The following DSCAM variants were observed in gnomAD, a reference collection of about 807,000 sequenced individuals.
DSCAM encodes the protein DS cell adhesion molecule.
Under a neutral mutation model 217.7 loss-of-function variants are expected in DSCAM, and 47 were observed. The observed-to-expected ratio is 0.22, with a 90% CI of 0.17 to 0.28. DSCAM has a LOEUF of 0.28. DSCAM is among the 10% of genes least tolerant of loss of function. The pLI, the probability that DSCAM is intolerant of heterozygous loss-of-function variation, is 1.00. For synonymous variants in DSCAM, 1,056 were observed against 1,015.3 expected (o/e 1.04, Z -0.76); for missense variants, 2,080 against 2,618.3 (o/e 0.79, Z 4.49).
chr21:40,439,498 G>A (rs1601644926), intron 3 of DSCAM, among the ~76,000 whole-genome samples: 1 of 152,204 alleles, frequency 6.6e-6, no homozygotes, highest in East Asian at 1.9e-4. Context: ...ATTCAGCACT[G>A]AGTACTTAGG....
rs527551934 is a variant in DSCAM, at chr21:40,093,599, T to C, written c.3850+122A>G. 3.3e-6 allele frequency: 4 copies of C among 1,230,272 alleles called. No individual in the cohort carries two copies. In the African/African-American group the frequency reaches 6.1e-5, roughly 19 times the overall value. The allele number at this position is 1,230,272 out of a possible 1,614,324, so 76.2% of individuals were successfully genotyped here. A position where few individuals can be genotyped will look rare whatever the true frequency, so the allele number is the denominator to read the frequency against. ...TTAGCCACAACCCTGTTTCTTGAGC[T>C]AAAATGTGATATTCTGGTTTATTTG... On this transcript the variant is annotated intron_variant, in intron 21 of 32. Coordinates refer to ENST00000400454, the MANE Select transcript of DSCAM (RefSeq NM_001389.5).
chr21:40,379,231 G>T (rs1200833994), intron 3 of DSCAM, among the ~76,000 whole-genome samples: 2 of 152,170 alleles, frequency 1.3e-5, no homozygotes, highest in Non-Finnish European at 2.9e-5. Context: ...CCACTGTCAC[G>T]TATTTGAGTA....
At chr21:40,124,807 A>C (rs2090077224) in intron 19 of DSCAM, among the ~76,000 whole-genome samples, 1 of 152,096 alleles carries the variant, frequency 6.6e-6, no homozygotes, top group African/African-American at 2.4e-5. Flanking sequence ...TAAATTCCTA[A>C]TGTTGGAGTC....
chr21:40,391,702 G>C (rs191261593), intron 3 of DSCAM, among the ~76,000 whole-genome samples: 106 of 152,282 alleles, frequency 7.0e-4, no homozygotes, highest in Admixed American at 2.0e-3. Context: ...CATCAGGTAT[G>C]TTCACTCAAT....
chr21:40,354,918 T>C (rs2074675349), intron 4 of DSCAM, among the ~76,000 whole-genome samples: 2 of 151,672 alleles, frequency 1.3e-5, no homozygotes, highest in African/African-American at 2.4e-5. Flanking sequence ...GTAAAATTTA[T>C]TGCACAAAAG....
intron 3 of DSCAM, among the ~76,000 whole-genome samples, chr21:40,413,879 T>C (rs1023751525): frequency 3.3e-5 from 5 of 152,164 alleles, no homozygotes; most frequent in African/African-American, 1.2e-4. Flanking sequence ...AAAGTAGTGC[T>C]GGAATATGTG....
intron 32 of DSCAM, among the ~76,000 whole-genome samples, chr21:40,037,670 A>G (rs542274324): frequency 1.7e-4 from 25 of 150,200 alleles, no homozygotes; most frequent in African/African-American, 6.0e-4. Flanking sequence ...AAACTACTTT[A>G]AAGTTCATAT....
At position 40,508,758 on chromosome 21, in the gene DSCAM, TATATATATATATATATATATA is replaced by T. The variant is rs1568862935; in HGVS notation, c.509-139534_509-139514del. On this transcript the variant is annotated intron_variant, in intron 3 of 32. Transcript: ENST00000400454. ...AAATATATATATATATATATATATA[TATATATATATATATATATATA>T]TATATTTTTTTTTTTTTTTTTTTTT... is the stretch of plus-strand genomic sequence containing the variant. 9.0e-3 allele frequency among the ~76,000 whole-genome samples: 133 copies of T among 14,762 alleles called. 4 individuals carry two copies. The highest frequency in any genetic ancestry group is 0.042 in the Middle Eastern group (1 of 24). 9.7% of individuals were successfully genotyped at this position (14,762 alleles called of 152,430 possible). A position where few individuals can be genotyped will look rare whatever the true frequency, so the allele number is the denominator to read the frequency against.
At chr21:40,029,414 G>A (rs911073711) in intron 32 of DSCAM, among the ~76,000 whole-genome samples, 1 of 146,144 alleles carries the variant, frequency 6.8e-6, no homozygotes, top group African/African-American at 2.6e-5. Context: ...CTTGGGGAAT[G>A]CATTTGAGGT....
At chr21:40,217,769 A>G (rs1218747374) in intron 11 of DSCAM, among the ~76,000 whole-genome samples, 1 of 152,140 alleles carries the variant, frequency 6.6e-6, no homozygotes, top group Non-Finnish European at 1.5e-5. Context: ...GATCAGTGAT[A>G]TCGAGATTTT....
chr21:40,646,243 T>A (rs2089944865), intron 3 of DSCAM, among the ~76,000 whole-genome samples: 1 of 152,058 alleles, frequency 6.6e-6, no homozygotes. Context: ...GGTGAAACCC[T>A]GTCTTTACTA....
intron 28 of DSCAM, 142 bp downstream of exon 28, chr21:40,062,727 G>C: frequency 1.4e-6 from 1 of 704,916 alleles, no homozygotes; most frequent in East Asian, 3.2e-5. Flanking sequence ...ATTTTGGAAT[G>C]TATAGGAAAT....
chr21:40,825,916 C>T (rs2091964782), intron 1 of DSCAM, among the ~76,000 whole-genome samples: 1 of 152,178 alleles, frequency 6.6e-6, no homozygotes. Context: ...ACAGCAATGA[C>T]ATCCAGTCCC....
At chr21:40,227,406 G>A (rs760419906) in intron 11 of DSCAM, among the ~76,000 whole-genome samples, 1 of 152,150 alleles carries the variant, frequency 6.6e-6, no homozygotes, top group Admixed American at 6.5e-5. Context: ...TTTGGAAAAG[G>A]GTCATTTTTG....
chr21:40,269,398 C>T (rs1303521437), intron 11 of DSCAM, among the ~76,000 whole-genome samples: 1 of 152,192 alleles, frequency 6.6e-6, no homozygotes, highest in African/African-American at 2.4e-5. Flanking sequence ...TTTGATGGGT[C>T]CCGGCCAGGG....
intron 32 of DSCAM, among the ~76,000 whole-genome samples, chr21:40,021,501 C>T (rs78821363): frequency 0.043 from 6,549 of 152,304 alleles, 198 homozygotes; most frequent in Middle Eastern, 0.099. Flanking sequence ...TCATCAGCCT[C>T]ACCAAAACCC....
chr21:40,504,601 C>T lies in DSCAM; in HGVS notation c.509-135356G>A, dbSNP rs566899220. Among the ~76,000 whole-genome samples, 6 of 152,260 alleles carry T rather than the reference C, an allele frequency of 3.9e-5. No homozygotes were observed. The East Asian group carries it at 5.8e-4, about 15-fold the overall frequency. On this transcript the variant is annotated intron_variant, in intron 3 of 32. Transcript: ENST00000400454. Reference sequence around the variant, plus strand: ...AAGAACAACAGAAAAACTACATAGGCGATGCGAAAGGCTCAAATAATGCGT... The same window carrying T: ...AAGAACAACAGAAAAACTACATAGGTGATGCGAAAGGCTCAAATAATGCGT...
At chr21:40,032,610 T>C (rs773866172) in intron 32 of DSCAM, among the ~76,000 whole-genome samples, 2 of 152,202 alleles carry the variant, frequency 1.3e-5, no homozygotes, top group Non-Finnish European at 2.9e-5. Context: ...TTCATTACCA[T>C]GCTGCAACAT....
Position 40,016,378 on chromosome 21 carries a change from G to A in DSCAM, c.5687-2992C>T, listed in dbSNP as rs948512256. Among the ~76,000 whole-genome samples, 1 of 152,086 alleles carries A rather than the reference G, an allele frequency of 6.6e-6. No individual in the cohort carries two copies. Among genetic ancestry groups the A allele is most frequent in the Admixed American group, 6.5e-5 (1 of 15,272 alleles). Reference sequence around the variant, plus strand: ...TGAAAGGGTGTATAGGGGAAAGATCGTACTTTGATGACAAAAGATGAAGGG... The same window carrying A: ...TGAAAGGGTGTATAGGGGAAAGATCATACTTTGATGACAAAAGATGAAGGG... On this transcript the variant is annotated intron_variant, in intron 32 of 32. Transcript: ENST00000400454. This position sits in a 1 kb window ranked among gnomAD's most constrained non-coding sequence, Gnocchi z 4.3.
Sources: allele counts gnomAD v4.1 joint callset (sites outside exome capture counted in the v4.1 genomes callset), GRCh38; gene constraint gnomAD v4.1.1; non-coding constraint Gnocchi (gnomAD v3.1); transcripts MANE v1.5; gene names NCBI Gene and HGNC (gene_info 2026-07-23, HGNC 2026-07-21).